HS6ST3: variants seen among roughly 807,000 people sequenced by gnomAD.
HS6ST3 encodes heparan sulfate 6-O-sulfotransferase 3.
A neutral mutation model predicts 36.7 loss-of-function variants in HS6ST3; 12 were observed. The observed-to-expected ratio is 0.33, with a 90% CI of 0.21 to 0.53. The LOEUF (loss-of-function observed/expected upper bound fraction) is 0.53, where lower values mean the gene tolerates loss of function less well. Ranked by LOEUF, HS6ST3 falls within the 20% of genes least tolerant of loss-of-function variation. The probability of loss-of-function intolerance (pLI) is 0.95; values close to 1 mark genes in which losing one functional copy is unlikely to be tolerated. For missense variants in HS6ST3, 584 were observed against 640.9 expected, an observed-to-expected ratio of 0.91 and a Z score of 0.96; for synonymous variants, 240 against 257.5, an observed-to-expected ratio of 0.93 and a Z score of 0.65.
chr13:96,301,487 G>A (rs1000750526), intron 1 of HS6ST3, among the ~76,000 whole-genome samples: 3 of 152,150 alleles, frequency 2.0e-5, no homozygotes, highest in Non-Finnish European at 2.9e-5. Flanking sequence ...CTGGGGTACT[G>A]GTCCTGAGTC....
At chr13:96,460,248 A>G (rs574360969) in intron 1 of HS6ST3, among the ~76,000 whole-genome samples, 2 of 152,198 alleles carry the variant, frequency 1.3e-5, no homozygotes, top group Admixed American at 6.5e-5. Context: ...AGAATCAGAC[A>G]GGAAAGTCTA....
At chr13:96,739,254 T>C (rs1876374285) in intron 1 of HS6ST3, among the ~76,000 whole-genome samples, 1 of 151,292 alleles carries the variant, frequency 6.6e-6, no homozygotes, top group Non-Finnish European at 1.5e-5. Flanking sequence ...TGTGTGTGTG[T>C]GTGTGTGTGT....
chr13:96,657,982 C>G (rs1457802593), intron 1 of HS6ST3, among the ~76,000 whole-genome samples: 1 of 152,084 alleles, frequency 6.6e-6, no homozygotes, highest in East Asian at 1.9e-4. Flanking sequence ...AGTGTCACAT[C>G]AAAATCTAGA....
At chr13:96,722,498 A>G (rs746188118) in intron 1 of HS6ST3, among the ~76,000 whole-genome samples, 2 of 151,728 alleles carry the variant, frequency 1.3e-5, no homozygotes, top group Non-Finnish European at 2.9e-5. Context: ...CGGGGTCGTG[A>G]CTCTTATATT....
chr13:96,351,191 T>A (rs769749888), intron 1 of HS6ST3, among the ~76,000 whole-genome samples: 1 of 152,130 alleles, frequency 6.6e-6, no homozygotes, highest in Non-Finnish European at 1.5e-5. Flanking sequence ...ATCTCTTACA[T>A]TTTTAGTCAT....
intron 1 of HS6ST3, among the ~76,000 whole-genome samples, chr13:96,748,194 T>C (rs1324786823): frequency 2.0e-5 from 3 of 152,086 alleles, no homozygotes; most frequent in Non-Finnish European, 4.4e-5. Context: ...AGGACTTGTG[T>C]CTTTCAAAGC....
chr13:96,676,853 C>G (rs1045916122), intron 1 of HS6ST3, among the ~76,000 whole-genome samples: 1 of 152,140 alleles, frequency 6.6e-6, no homozygotes, highest in Non-Finnish European at 1.5e-5. Flanking sequence ...ATTTGTTCCT[C>G]AAAAAGTTAT....
intron 1 of HS6ST3, among the ~76,000 whole-genome samples, chr13:96,165,318 C>G (rs1221951463): frequency 6.6e-6 from 1 of 152,118 alleles, no homozygotes; most frequent in East Asian, 1.9e-4. Flanking sequence ...TTTAGAAGCC[C>G]CATGGCTTCC....
At chr13:96,245,478 T>TCATTGGTTCC (rs2054580437) in intron 1 of HS6ST3, among the ~76,000 whole-genome samples, 1 of 152,196 alleles carries the variant, frequency 6.6e-6, no homozygotes, top group Non-Finnish European at 1.5e-5. Context: ...GTCTACTTTC[T>TCATTGGTTCC]CATTGGTTCC....
rs112001052 is a variant in HS6ST3, at chr13:96,655,040, C to T, written c.708-177450C>T. On this transcript the variant is annotated intron_variant, in intron 1 of 1. Coordinates refer to ENST00000376705, the MANE Select transcript of HS6ST3 (RefSeq NM_153456.4). The stretch of plus-strand genomic sequence containing the variant: ...AACTTCTTGGCTGTCTTGGCTGGCT[C>T]ACCAGTGATTTTCCTTATTTTTAAG... 4.3e-4 allele frequency among the ~76,000 whole-genome samples: 66 copies of T among 152,208 alleles called. 1 individual carries two copies. Among genetic ancestry groups the T allele is most frequent in the African/African-American group, 1.5e-3 (64 of 41,562 alleles).
At chr13:96,296,096 A>C (rs1594745918) in intron 1 of HS6ST3, among the ~76,000 whole-genome samples, 1 of 152,288 alleles carries the variant, frequency 6.6e-6, no homozygotes, top group Middle Eastern at 3.4e-3. Flanking sequence ...TTGCATTCGC[A>C]CTAGCCACAT....
chr13:96,587,890 G>C (rs925748380), intron 1 of HS6ST3, among the ~76,000 whole-genome samples: 1 of 152,128 alleles, frequency 6.6e-6, no homozygotes, highest in Non-Finnish European at 1.5e-5. Context: ...ATGAACACAG[G>C]ATATCGTTTC....
At chr13:96,332,903 G>A (rs755044952) in intron 1 of HS6ST3, among the ~76,000 whole-genome samples, 1 of 152,192 alleles carries the variant, frequency 6.6e-6, no homozygotes, top group Non-Finnish European at 1.5e-5. Flanking sequence ...AGGTGATTAA[G>A]TCATTAGGGC....
intron 1 of HS6ST3, among the ~76,000 whole-genome samples, chr13:96,292,210 ATGTG>A (rs4001473): frequency 0.56 from 83,334 of 149,848 alleles, 23,976 homozygotes; most frequent in Admixed American, 0.68. Context: ...TTTAGAGTAA[ATGTG>A]TGTGTGTGTG....
At chr13:96,162,212 A>G (rs2054138933) in intron 1 of HS6ST3, among the ~76,000 whole-genome samples, 1 of 152,216 alleles carries the variant, frequency 6.6e-6, no homozygotes, top group African/African-American at 2.4e-5. Flanking sequence ...GTGACGTGGT[A>G]GACGGATTCA....
chr13:96,469,303 T>C (rs2055829395), intron 1 of HS6ST3, among the ~76,000 whole-genome samples: 1 of 140,926 alleles, frequency 7.1e-6, no homozygotes, highest in Non-Finnish European at 1.5e-5. Flanking sequence ...CTCCCCCAAC[T>C]TTTTTTTTTT....
intron 1 of HS6ST3, among the ~76,000 whole-genome samples, chr13:96,234,965 T>C (rs778267065): frequency 6.6e-6 from 1 of 152,164 alleles, no homozygotes; most frequent in Non-Finnish European, 1.5e-5. Flanking sequence ...TCTTCAAAGA[T>C]TTATGCCTAG....
chr13:96,530,634 G>C (rs996826165), intron 1 of HS6ST3, among the ~76,000 whole-genome samples: 2 of 151,592 alleles, frequency 1.3e-5, no homozygotes, highest in African/African-American at 4.9e-5. Flanking sequence ...TGAGATTATA[G>C]GCATGAGCCA....
At chr13:96,330,310 G>C (rs916198406) in intron 1 of HS6ST3, among the ~76,000 whole-genome samples, 21 of 152,054 alleles carry the variant, frequency 1.4e-4, no homozygotes, top group Non-Finnish European at 1.8e-4. Flanking sequence ...TGAGTTTGCA[G>C]CGGCCGGTAC....
Sources: allele counts gnomAD v4.1 joint callset (sites outside exome capture counted in the v4.1 genomes callset), GRCh38; gene constraint gnomAD v4.1.1; transcripts MANE v1.5; gene names NCBI Gene and HGNC (gene_info 2026-07-23, HGNC 2026-07-21).